Variants in COL4A3 observed in about 807,000 individuals in gnomAD.
COL4A3 encodes the protein collagen type IV alpha 3 chain.
In COL4A3, 135 loss-of-function variants were observed where a neutral mutation model predicts 217.4. The ratio of observed to expected loss-of-function variants is 0.62; its 90% confidence interval spans 0.54 to 0.72. The LOEUF is 0.72. COL4A3 is among the 30% of genes least tolerant of loss of function. The probability of loss-of-function intolerance (pLI) is 0.00; values close to 1 mark genes in which losing one functional copy is unlikely to be tolerated. For synonymous variants in COL4A3, 690 were observed against 736.3 expected (o/e 0.94, Z 1.02); for missense variants, 1,868 against 2,119.9 (o/e 0.88, Z 2.33).
chr2:227,272,963 G>A lies in COL4A3; in HGVS notation c.1773G>A (p.Glu591=). ...TGTTGTCACAGGCTCTGAGTGGTGA[G>A]AAAGGGGACCAAGGTCCTCCAGGGG... ...GPKGELALSG[E]KGDQGPPGDP... The change falls in exon 26 of 52, where the codon GAG becomes GAA. Residue 591 remains glutamate, a synonymous_variant. Transcript: ENST00000396578. The A allele has an allele frequency of 6.2e-7, 1 of 1,614,102 alleles. No individual in the cohort carries two copies. Among genetic ancestry groups the A allele is most frequent in the Non-Finnish European group, 8.5e-7 (1 of 1,180,004 alleles).
At chr2:227,275,249 C>T (rs1316742702) in intron 26 of COL4A3, among the ~76,000 whole-genome samples, 4 of 152,012 alleles carry the variant, frequency 2.6e-5, no homozygotes, top group African/African-American at 9.7e-5. Flanking sequence ...GGCGTGATCT[C>T]GGCTCACTGC....
Position 227,238,037 on chromosome 2 carries a change from C to A in COL4A3, c.144+13C>A. The A allele has an allele frequency of 1.3e-6, 2 of 1,538,156 alleles. No individual in the cohort carries two copies. The highest frequency in any genetic ancestry group is 1.8e-6 in the Non-Finnish European group (2 of 1,110,884). ...CAAAGGGGAGAAGGTAAAAACAAAC[C>A]CTAATACTGCTTGTTTACACTGTAA... On this transcript the variant is annotated intron_variant, in intron 2 of 51. Transcript: ENST00000396578.
chr2:227,256,287 CAGA>C, intron 16 of COL4A3, 53 bp from the exon 17 acceptor site: 1 of 1,514,664 alleles, frequency 6.6e-7, no homozygotes, highest in Non-Finnish European at 9.2e-7. Context: ...CCTGCTCCCC[CAGA>C]AGAAGTTGGC....
chr2:227,252,609 C>T (rs1286167499), intron 11 of COL4A3, among the ~76,000 whole-genome samples: 5 of 151,936 alleles, frequency 3.3e-5, no homozygotes, highest in African/African-American at 1.2e-4. Context: ...CACACACACA[C>T]ACACACACAC....
intron 43 of COL4A3, among the ~76,000 whole-genome samples, chr2:227,302,269 C>T (rs2073317583): frequency 6.6e-6 from 1 of 152,166 alleles, no homozygotes; most frequent in African/African-American, 2.4e-5. Flanking sequence ...ACTTCTCCTA[C>T]CATCATGATC....
In COL4A3 at chr2:227,251,834, C is replaced by G. The variant is rs191646331; in HGVS notation, c.645+463C>G. The stretch of plus-strand genomic sequence containing the variant: ...CTGTAAGCCCAGCACTTTGGGAGGC[C>G]AAGGTGGGTGGATCACTTGAGGTCA... On this transcript the variant is annotated intron_variant, in intron 11 of 51. Coordinates refer to ENST00000396578, the MANE Select transcript of COL4A3 (RefSeq NM_000091.5). Among the ~76,000 whole-genome samples the G allele has an allele frequency of 2.7e-3, 409 of 152,126 alleles. 3 individuals are homozygous for G. The highest frequency in any genetic ancestry group is 0.018 in the Admixed American group (281 of 15,268).
At chr2:227,231,147 G>A (rs62277840) in intron 1 of COL4A3, among the ~76,000 whole-genome samples, 11,985 of 152,162 alleles carry the variant, frequency 0.079, 606 homozygotes, top group Admixed American at 0.14. Context: ...TGATATGGCA[G>A]ACATGTATAA....
intron 34 of COL4A3, among the ~76,000 whole-genome samples, chr2:227,287,732 G>T (rs916559451): frequency 2.0e-5 from 3 of 152,176 alleles, no homozygotes; most frequent in Non-Finnish European, 2.9e-5. Context: ...CTTCAAGACT[G>T]AGCTAAAAAA....
At chr2:227,168,198 T>C (rs2065345049) in intron 1 of COL4A3, among the ~76,000 whole-genome samples, 2 of 152,240 alleles carry the variant, frequency 1.3e-5, no homozygotes, top group African/African-American at 4.8e-5. Context: ...TGCACCACTG[T>C]GACAACTAGA....
At chr2:227,209,201 T>C (rs1314595830) in intron 1 of COL4A3, among the ~76,000 whole-genome samples, 7 of 152,234 alleles carry the variant, frequency 4.6e-5, no homozygotes, top group Non-Finnish European at 1.0e-4. Context: ...CATCCCAGGA[T>C]AATCTTGGGG....
chr2:227,178,608 C>G (rs1414130365), intron 1 of COL4A3, among the ~76,000 whole-genome samples: 4 of 152,152 alleles, frequency 2.6e-5, no homozygotes, highest in Non-Finnish European at 5.9e-5. Context: ...TATTGGCTCA[C>G]TGCAACTTCT....
chr2:227,168,923 G>T (rs1376023569), intron 1 of COL4A3, among the ~76,000 whole-genome samples: 1 of 150,046 alleles, frequency 6.7e-6, no homozygotes, highest in Non-Finnish European at 1.5e-5. Flanking sequence ...AAGTTTTAGG[G>T]TACATGTGCA....
intron 22 of COL4A3, 91 bp from the exon 23 acceptor site, chr2:227,266,902 T>G: frequency 1.2e-6 from 1 of 844,970 alleles, no homozygotes; most frequent in Non-Finnish European, 2.0e-6. Context: ...AATGTTTAAA[T>G]GTAATAAATG....
intron 1 of COL4A3, among the ~76,000 whole-genome samples, chr2:227,199,719 G>C (rs545286267): frequency 6.6e-6 from 1 of 152,252 alleles, no homozygotes; most frequent in East Asian, 1.9e-4. Flanking sequence ...TCATATCTGT[G>C]GCCCCAGCCC....
At chr2:227,289,549 T>C (rs2072551701) in intron 35 of COL4A3, among the ~76,000 whole-genome samples, 1 of 152,212 alleles carries the variant, frequency 6.6e-6, no homozygotes, top group Non-Finnish European at 1.5e-5. Context: ...AATTAGAGAA[T>C]GCTTTAGAAG....
intron 1 of COL4A3, among the ~76,000 whole-genome samples, chr2:227,224,378 G>GC (rs1265990841): frequency 6.6e-6 from 1 of 151,948 alleles, no homozygotes; most frequent in Non-Finnish European, 1.5e-5. Flanking sequence ...TTCTGACTTT[G>GC]TTTTTTTCTA....
chr2:227,304,532 G>A (rs972291544), intron 46 of COL4A3, among the ~76,000 whole-genome samples: 1 of 152,048 alleles, frequency 6.6e-6, no homozygotes, highest in African/African-American at 2.4e-5. Context: ...CAAAGTATTA[G>A]GAAAAAATGA....
chr2:227,307,542 G>C (rs1316566589), intron 47 of COL4A3, among the ~76,000 whole-genome samples, 168 bp from the exon 48 acceptor site: 19 of 152,192 alleles, frequency 1.2e-4, no homozygotes. Flanking sequence ...GTGATAAACT[G>C]CTTAACATTT....
chr2:227,283,736 C>A (rs186749213), intron 32 of COL4A3, 31 bp from the exon 33 acceptor site: 3 of 1,573,312 alleles, frequency 1.9e-6, no homozygotes, highest in African/African-American at 2.7e-5. Context: ...CTGTACAACA[C>A]GTGCTGCTTT....
Sources: gnomAD v4.1 joint callset for allele counts (sites outside exome capture counted in the v4.1 genomes callset) on GRCh38, gnomAD v4.1.1 for gene constraint, MANE v1.5 for transcripts, NCBI Gene and HGNC (gene_info 2026-07-23, HGNC 2026-07-21) for gene names.